GRM7: variants seen among roughly 807,000 people sequenced by gnomAD.
GRM7 encodes the protein glutamate metabotropic receptor 7.
A neutral mutation model predicts 84.5 loss-of-function variants in GRM7; 35 were observed. The ratio of observed to expected loss-of-function variants is 0.41; its 90% CI spans 0.32 to 0.55. The LOEUF (loss-of-function observed/expected upper bound fraction) is 0.55. Among genes scored for constraint, GRM7 ranks in the 20% least tolerant of loss-of-function variants. GRM7 has a pLI of 0.19. For missense variants in GRM7, 1,003 were observed against 1,194.6 expected (o/e 0.84, Z 2.36); for synonymous variants, 487 against 455.1 (o/e 1.07, Z -0.89).
intron 4 of GRM7, among the ~76,000 whole-genome samples, chr3:7,381,689 T>C (rs1293791675): frequency 6.6e-6 from 1 of 152,210 alleles, no homozygotes; most frequent in African/African-American, 2.4e-5. Flanking sequence ...ACTATTGGTT[T>C]GTTGTGAACA....
At chr3:7,352,031 C>G (rs1309195054) in intron 4 of GRM7, among the ~76,000 whole-genome samples, 1 of 140,756 alleles carries the variant, frequency 7.1e-6, no homozygotes, top group Non-Finnish European at 1.5e-5. Context: ...CGTTCATTCT[C>G]TCTCTCTCTC....
chr3:7,172,607 A>C (rs1448801150), intron 2 of GRM7, among the ~76,000 whole-genome samples: 1 of 141,514 alleles, frequency 7.1e-6, no homozygotes, highest in Non-Finnish European at 1.5e-5. Flanking sequence ...AAATGGCATC[A>C]TTGCACATGG....
chr3:7,082,380 G>T (rs7634729), intron 1 of GRM7, among the ~76,000 whole-genome samples: 17,698 of 151,952 alleles, frequency 0.12, 2,633 homozygotes, highest in African/African-American at 0.33. Context: ...GGCATTTTAA[G>T]TCCACTATTG....
intron 7 of GRM7, among the ~76,000 whole-genome samples, chr3:7,480,256 C>T (rs532551305): frequency 3.3e-5 from 5 of 152,294 alleles, no homozygotes; most frequent in African/African-American, 1.2e-4. Flanking sequence ...TTGGGGACTT[C>T]CTTCTCTCCT....
At chr3:7,363,373 A>G (rs1386657735) in intron 4 of GRM7, among the ~76,000 whole-genome samples, 1 of 152,062 alleles carries the variant, frequency 6.6e-6, no homozygotes, top group Non-Finnish European at 1.5e-5. Context: ...TCAAGACAAA[A>G]CAAAGTTAGA....
chr3:7,390,755 T>C (rs150073235), intron 4 of GRM7, among the ~76,000 whole-genome samples: 39 of 152,260 alleles, frequency 2.6e-4, no homozygotes, highest in African/African-American at 8.4e-4. Context: ...CTTGGATCTT[T>C]TTCTGTCCTC....
intron 4 of GRM7, among the ~76,000 whole-genome samples, chr3:7,407,709 C>A (rs537406310): frequency 6.6e-6 from 1 of 152,176 alleles, no homozygotes; most frequent in Admixed American, 6.6e-5. Flanking sequence ...AGTTTGATAG[C>A]AAAACAAAAG....
chr3:7,366,976 TG>T (rs33986988), intron 4 of GRM7, among the ~76,000 whole-genome samples: 151,831 of 151,832 alleles, frequency 1, 75,915 homozygotes, highest in Non-Finnish European at 1. Flanking sequence ...GAAGTACTTT[TG>T]TCTATACTCT....
intron 1 of GRM7, among the ~76,000 whole-genome samples, chr3:6,987,180 T>A (rs1266632725): frequency 6.6e-6 from 1 of 152,200 alleles, no homozygotes; most frequent in Non-Finnish European, 1.5e-5. Context: ...TATTGACAAC[T>A]GTTTCTTGTG....
intron 7 of GRM7, among the ~76,000 whole-genome samples, chr3:7,491,813 A>C (rs944051061): frequency 6.6e-6 from 1 of 152,358 alleles, no homozygotes; most frequent in South Asian, 2.1e-4. Flanking sequence ...TATGGTTCTT[A>C]GTACATGGTG....
intron 8 of GRM7, among the ~76,000 whole-genome samples, chr3:7,669,681 G>C (rs1443547192): frequency 1.3e-5 from 2 of 152,168 alleles, no homozygotes; most frequent in Non-Finnish European, 2.9e-5. Context: ...TGAGTGGTCA[G>C]GAAATAGGAC....
intron 7 of GRM7, among the ~76,000 whole-genome samples, chr3:7,565,230 G>T (rs1416683971): frequency 6.6e-6 from 1 of 152,186 alleles, no homozygotes; most frequent in Non-Finnish European, 1.5e-5. Flanking sequence ...GGAGAGGTCA[G>T]TCTGTTCTTT....
chr3:6,926,168 A>C (rs1158993907), intron 1 of GRM7, among the ~76,000 whole-genome samples: 1 of 152,234 alleles, frequency 6.6e-6, no homozygotes, highest in Admixed American at 6.5e-5. Context: ...AATAAAAACA[A>C]TATAGAATAG....
At chr3:7,235,813 G>T (rs1432387642) in intron 2 of GRM7, among the ~76,000 whole-genome samples, 1 of 152,042 alleles carries the variant, frequency 6.6e-6, no homozygotes, top group Non-Finnish European at 1.5e-5. Flanking sequence ...TTTCACTTGT[G>T]AGAGAAATAA....
chr3:7,550,798 T>C (rs1336498875), intron 7 of GRM7, among the ~76,000 whole-genome samples: 1 of 152,022 alleles, frequency 6.6e-6, no homozygotes, highest in African/African-American at 2.4e-5. Context: ...CTACCAGATC[T>C]GTAGTTGGAT....
chr3:6,963,047 T>G (rs1693361825), intron 1 of GRM7, among the ~76,000 whole-genome samples: 1 of 152,222 alleles, frequency 6.6e-6, no homozygotes, highest in Non-Finnish European at 1.5e-5. Flanking sequence ...CTCTGCAGTG[T>G]GTAATTGCAG....
chr3:7,640,785 T>C (rs1157483483), intron 8 of GRM7, among the ~76,000 whole-genome samples: 4 of 152,194 alleles, frequency 2.6e-5, no homozygotes, highest in Non-Finnish European at 5.9e-5. Context: ...TCTGGAGTGA[T>C]ATCATCTGCA....
chr3:7,002,316 A>G (rs920957160), intron 1 of GRM7, among the ~76,000 whole-genome samples: 2 of 152,210 alleles, frequency 1.3e-5, no homozygotes, highest in African/African-American at 4.8e-5. Flanking sequence ...GGGTTCCTCT[A>G]CTAAAAAACA....
chr3:7,586,093 C>T (rs572954301), intron 8 of GRM7, among the ~76,000 whole-genome samples: 1 of 152,282 alleles, frequency 6.6e-6, no homozygotes, highest in Admixed American at 6.5e-5. Flanking sequence ...TTCATCTTCA[C>T]CATGGGTCTA....
Sources: gnomAD v4.1 joint callset for allele counts (sites outside exome capture counted in the v4.1 genomes callset) on GRCh38, gnomAD v4.1.1 for gene constraint, MANE v1.5 for transcripts, NCBI Gene and HGNC (gene_info 2026-07-23, HGNC 2026-07-21) for gene names.